Variants in GCFC2 observed in about 807,000 individuals in gnomAD.
GCFC2 encodes the protein GC-rich sequence DNA-binding factor 2.
Under a neutral mutation model 99.4 loss-of-function variants are expected in GCFC2, and 102 were observed. That is an observed-to-expected ratio of 1.03 (90% confidence interval 0.87 to 1.21). The LOEUF is 1.21. GCFC2 is among the 50% of genes most tolerant of loss of function. GCFC2 has a pLI of 0.00. For synonymous variants in GCFC2, 338 were observed against 316.8 expected, an observed-to-expected ratio of 1.07 and a Z score of -0.71; for missense variants, 973 against 920.9, an observed-to-expected ratio of 1.06 and a Z score of -0.73.
intron 11 of GCFC2, among the ~76,000 whole-genome samples, chr2:75,684,368 C>T (rs1679722344): frequency 6.6e-6 from 1 of 152,158 alleles, no homozygotes; most frequent in African/African-American, 2.4e-5. Flanking sequence ...ACAGCCTGCT[C>T]CTGAATGACT....
chr2:75,702,286 G>T lies in GCFC2; in HGVS notation c.532C>A (p.Pro178Thr). The T allele has an allele frequency of 6.2e-7, 1 of 1,613,486 alleles. No individual in the cohort carries two copies. Among genetic ancestry groups the T allele is most frequent in the Non-Finnish European group, 8.5e-7 (1 of 1,179,512 alleles). Reference protein sequence around the residue: ...SGMKRESEDDPESEPDDHEKR... With the variant: ...SGMKRESEDDTESEPDDHEKR... ...TCATGGTCATCAGGCTCACTCTCAGGGTCATCTTCGCTCTCTCTCTTCATA... is the reference window on the plus strand; with the variant it reads ...TCATGGTCATCAGGCTCACTCTCAGTGTCATCTTCGCTCTCTCTCTTCATA... Residue 178 changes from proline to threonine, a missense_variant, in exon 3 of 17, where the codon CCT (proline) becomes ACT (threonine). Physicochemically the swap from Pro to Thr is conservative, Grantham distance 38. Coordinates refer to ENST00000321027, the MANE Select transcript of GCFC2 (RefSeq NM_003203.5).
intron 12 of GCFC2, among the ~76,000 whole-genome samples, chr2:75,678,456 CCTCT>C (rs143516806): frequency 1.4e-4 from 21 of 152,226 alleles, no homozygotes; most frequent in East Asian, 3.9e-4. Flanking sequence ...GCAGAAAATG[CCTCT>C]CTCTCTGTTG....
intron 11 of GCFC2, among the ~76,000 whole-genome samples, chr2:75,683,286 T>C (rs1292475625): frequency 2.0e-5 from 3 of 151,874 alleles, no homozygotes; most frequent in African/African-American, 7.3e-5. Context: ...TGGGGGCCAA[T>C]ATTCAACATT....
chr2:75,693,493 A>G (rs1018831146), intron 6 of GCFC2, among the ~76,000 whole-genome samples: 6 of 152,162 alleles, frequency 3.9e-5, no homozygotes, highest in Admixed American at 2.6e-4. Context: ...AAAGTAGAGA[A>G]TAATTTATTG....
At chr2:75,698,664 G>A (rs939590188) in intron 4 of GCFC2, among the ~76,000 whole-genome samples, 18 of 152,230 alleles carry the variant, frequency 1.2e-4, no homozygotes, top group Admixed American at 2.0e-4. Flanking sequence ...GGGAAAAACC[G>A]TAATACTCAA....
chr2:75,689,358 T>A, intron 9 of GCFC2, 133 bp from the exon 10 acceptor site: 1 of 550,074 alleles, frequency 1.8e-6, no homozygotes, highest in South Asian at 2.7e-5. Context: ...AAATTTTTAT[T>A]AAATCACTTT....
rs58466564 is a variant in GCFC2, at chr2:75,680,033, T to C, written c.1812+160A>G. 1.2e-4 allele frequency among the ~76,000 whole-genome samples: 19 copies of C among 152,278 alleles called. No individual in the cohort carries two copies. The East Asian group carries it at 3.3e-3, about 26-fold the overall frequency. On this transcript the variant is annotated intron_variant, in intron 12 of 16. Coordinates refer to ENST00000321027, the MANE Select transcript of GCFC2 (RefSeq NM_003203.5). ...AAATTTTTTTTTCATCTCAGTGCAG[T>C]CTGAGAAAAAGTCTAGTTTCTATAA...
intron 12 of GCFC2, among the ~76,000 whole-genome samples, chr2:75,679,169 T>C (rs1376735434): frequency 6.6e-6 from 1 of 152,252 alleles, no homozygotes; most frequent in Non-Finnish European, 1.5e-5. Flanking sequence ...TGAGATTACA[T>C]GCTTCTTGAA....
intron 16 of GCFC2, 36 bp downstream of exon 16, chr2:75,665,893 C>A: frequency 7.1e-7 from 1 of 1,400,364 alleles, no homozygotes; most frequent in Non-Finnish European, 9.8e-7. Flanking sequence ...AATCCATGAA[C>A]TCTCTTTATA....
At chr2:75,712,281 G>C (rs1447421265), upstream of GCFC2, among the ~76,000 whole-genome samples, 1 of 116,866 alleles carries the variant, frequency 8.6e-6, no homozygotes, top group East Asian at 2.4e-4. Context: ...TCTAGCTCAA[G>C]GTTTGTAAAC....
At chr2:75,708,424 A>C (rs1024185058) in intron 1 of GCFC2, among the ~76,000 whole-genome samples, 2 of 152,208 alleles carry the variant, frequency 1.3e-5, no homozygotes, top group South Asian at 2.1e-4. Context: ...TAAAAGATCC[A>C]AAGTACAAAA....
intron 1 of GCFC2, among the ~76,000 whole-genome samples, chr2:75,706,919 A>G (rs544056542): frequency 6.6e-6 from 1 of 151,774 alleles, no homozygotes; most frequent in African/African-American, 2.4e-5. Context: ...GGCATTAGAG[A>G]AAAAAAAAGC....
In GCFC2 at chr2:75,690,731, T is replaced by G. The variant is rs779928681; in HGVS notation, c.1145-12A>C. 1.5e-6 allele frequency: 2 copies of G among 1,329,460 alleles called. No individual in the cohort carries two copies. The highest frequency in any genetic ancestry group is 2.1e-6 in the Non-Finnish European group (2 of 938,726). The allele number at this position is 1,329,460 out of a possible 1,614,324, so 82.4% of individuals were successfully genotyped here. A position where few individuals can be genotyped will look rare whatever the true frequency, so the allele number is the denominator to read the frequency against. ...TGTCTCATCTTTGCCTGTTAATAAA[T>G]AAAATTGACTTCATACTACAAATTC... On this transcript the variant is annotated splice_polypyrimidine_tract_variant and intron_variant, in intron 7 of 16. Coordinates refer to ENST00000321027, the MANE Select transcript of GCFC2 (RefSeq NM_003203.5).
intron 5 of GCFC2, 118 bp from the exon 6 acceptor site, chr2:75,694,545 A>AGACT (rs1443645508): frequency 4.8e-6 from 2 of 418,466 alleles, no homozygotes; most frequent in Non-Finnish European, 8.2e-6. Flanking sequence ...CTGGGTTTAT[A>AGACT]GACTAGATAA....
chr2:75,667,806 C>G (rs1030138897), intron 15 of GCFC2, among the ~76,000 whole-genome samples: 1 of 152,148 alleles, frequency 6.6e-6, no homozygotes, highest in African/African-American at 2.4e-5. Flanking sequence ...TTCTCCACTT[C>G]ATAATAGACC....
intron 11 of GCFC2, among the ~76,000 whole-genome samples, chr2:75,681,998 G>A (rs1679602385): frequency 6.6e-6 from 1 of 151,952 alleles, no homozygotes; most frequent in Non-Finnish European, 1.5e-5. Context: ...CCTGGGGAAA[G>A]GGGTGGCTGT....
chr2:75,699,355 G>A (rs1680471405), intron 4 of GCFC2, among the ~76,000 whole-genome samples: 1 of 151,968 alleles, frequency 6.6e-6, no homozygotes, highest in South Asian at 2.1e-4. Flanking sequence ...ACTTCTTTTG[G>A]CTTACAAGTA....
At chr2:75,707,717 G>A (rs944500119) in intron 1 of GCFC2, among the ~76,000 whole-genome samples, 1 of 139,446 alleles carries the variant, frequency 7.2e-6, no homozygotes, top group African/African-American at 2.5e-5. Context: ...GAGAGTCTGT[G>A]AAATTAAAAC....
At chr2:75,709,974 GT>G (rs1332749477) in intron 1 of GCFC2, among the ~76,000 whole-genome samples, 1 of 152,140 alleles carries the variant, frequency 6.6e-6, no homozygotes, top group Non-Finnish European at 1.5e-5. Flanking sequence ...CCTTACACCT[GT>G]ATTTAAGAAC....
Sources: allele counts gnomAD v4.1 joint callset (sites outside exome capture counted in the v4.1 genomes callset), GRCh38; gene constraint gnomAD v4.1.1; transcripts MANE v1.5; gene names NCBI Gene and HGNC (gene_info 2026-07-23, HGNC 2026-07-21).